Variants in NDNF observed in about 807,000 individuals in gnomAD.
NDNF encodes neuron derived neurotrophic factor.
In NDNF, 16 loss-of-function variants were observed where a neutral mutation model predicts 42.0. The ratio of observed to expected loss-of-function variants is 0.38; its 90% CI spans 0.26 to 0.58. The LOEUF is 0.58. Among genes scored for constraint, NDNF ranks in the 20% least tolerant of loss-of-function variants. The probability of loss-of-function intolerance (pLI) is 0.67; values close to 1 mark genes in which losing one functional copy is unlikely to be tolerated. For synonymous variants in NDNF, 248 were observed against 251.7 expected (o/e 0.99, Z 0.14); for missense variants, 616 against 666.2 (o/e 0.92, Z 0.83).
rs202186477 is a variant in NDNF, at chr4:121,037,110, A to G, written c.861T>C (p.Asp287=). 6.2e-7 allele frequency: 1 copy of G among 1,613,958 alleles called. No homozygotes were observed. The highest frequency in any genetic ancestry group is 8.5e-7 in the Non-Finnish European group (1 of 1,180,004). Residue 287 remains aspartate (D), a synonymous_variant, in exon 4 of 4, where the codon GAT becomes GAC. Transcript: ENST00000379692. ...TGTTTCCTATGCAGATTTTCTGAAT[A>G]TCAACCTTGGGCCTGGAGTAGACAT... ...GRHVYSRPKV[D]IQKICIGNKN...
At chr4:121,057,912 C>T (rs1287851917) in intron 1 of NDNF, among the ~76,000 whole-genome samples, 2 of 152,180 alleles carry the variant, frequency 1.3e-5, no homozygotes, top group Non-Finnish European at 2.9e-5. Context: ...TAAGTGCCTA[C>T]TGCAAGTCCC....
At chr4:121,055,237 A>C (rs1446520343) in intron 1 of NDNF, among the ~76,000 whole-genome samples, 1 of 152,186 alleles carries the variant, frequency 6.6e-6, no homozygotes. Flanking sequence ...GCAGAAAACA[A>C]CTTCATCTTT....
intron 3 of NDNF, among the ~76,000 whole-genome samples, chr4:121,039,285 C>A (rs751657865): frequency 5.6e-5 from 8 of 143,622 alleles, no homozygotes; most frequent in Non-Finnish European, 1.2e-4. Context: ...CATTGTCAAG[C>A]CTTCACCTTT....
At position 121,039,169 on chromosome 4, in the gene NDNF, A is replaced by G. The variant is rs1417161856; in HGVS notation, c.313+761T>C. The stretch of plus-strand genomic sequence containing the variant: ...TGTATATATATATGTATATATATAT[A>G]TAAAGACTATGTGTGTGTGTGTGTA... On this transcript the variant is annotated intron_variant, in intron 3 of 3. Coordinates refer to ENST00000379692, the MANE Select transcript of NDNF (RefSeq NM_024574.4). Among the ~76,000 whole-genome samples, 132 of 24,946 alleles carry G rather than the reference A, an allele frequency of 5.3e-3. 11 individuals carry two copies. Among genetic ancestry groups the G allele is most frequent in the East Asian group, 0.038 (7 of 186 alleles). 16.4% of individuals were successfully genotyped at this position (24,946 alleles called of 152,430 possible).
At position 121,036,615 on chromosome 4, in the gene NDNF, T is replaced by A; in HGVS notation, c.1356A>T (p.Arg452Ser). The change falls in exon 4 of 4, where the codon AGA (arginine) becomes AGT (serine). Residue 452 changes from arginine (R) to serine (S), a missense_variant. Physicochemically the swap from Arg to Ser is moderately radical, Grantham distance 110. Transcript: ENST00000379692. ...TACGGAGCTTGTCAAAGGCTTTGATTCTTGTGTCTTCAGGAAGAGAGGGAA... is the reference window on the plus strand; with the variant it reads ...TACGGAGCTTGTCAAAGGCTTTGATACTTGTGTCTTCAGGAAGAGAGGGAA... ...QSFPSLPEDT[R>S]IKAFDKLRTC... 3 of 1,614,156 alleles carry A rather than the reference T, an allele frequency of 1.9e-6. No individual in the cohort carries two copies. In the African/African-American group the frequency reaches 4.0e-5, roughly 22 times the overall value.
rs745563516 is a variant in NDNF at position 121,036,713 on chromosome 4, G to T, written c.1258C>A (p.Arg420=). 1.5e-5 allele frequency: 24 copies of T among 1,614,070 alleles called. No homozygotes were observed. The South Asian group carries it at 2.6e-4, about 18-fold the overall frequency. The change falls in exon 4 of 4, where the codon CGA becomes AGA. Residue 420 remains arginine, a synonymous_variant. Transcript: ENST00000379692. ...RGKPKAKYLV[R]LKGNKKGASM... ...GCTCCTTTCTTGTTTCCTTTCAGTC[G>T]AACGAGGTATTTAGCTTTAGGTTTT...
chr4:121,057,109 A>G (rs1727310000), intron 1 of NDNF, among the ~76,000 whole-genome samples: 2 of 152,242 alleles, frequency 1.3e-5, no homozygotes, highest in South Asian at 4.1e-4. Context: ...AAAAACAAGT[A>G]AAGAACAAAG....
At chr4:121,050,938 T>C (rs960117360) in intron 1 of NDNF, among the ~76,000 whole-genome samples, 3 of 152,134 alleles carry the variant, frequency 2.0e-5, no homozygotes, top group African/African-American at 7.2e-5. Flanking sequence ...TAGTCTATAC[T>C]TACAAAGGTA....
intron 1 of NDNF, among the ~76,000 whole-genome samples, chr4:121,054,905 C>T (rs1727258351): frequency 6.6e-6 from 1 of 152,222 alleles, no homozygotes; most frequent in Non-Finnish European, 1.5e-5. Context: ...TCATGGCTCA[C>T]TGCAACCTCT....
chr4:121,039,757 G>A (rs1451803259), intron 3 of NDNF, among the ~76,000 whole-genome samples, 173 bp downstream of exon 3: 1 of 151,990 alleles, frequency 6.6e-6, no homozygotes, highest in East Asian at 1.9e-4. Flanking sequence ...ATTTTATCAG[G>A]ATCAGTGTCA....
At chr4:121,057,725 G>A (rs981967034) in intron 1 of NDNF, among the ~76,000 whole-genome samples, 6 of 152,196 alleles carry the variant, frequency 3.9e-5, no homozygotes, top group African/African-American at 1.4e-4. Context: ...TGAAAAGTAG[G>A]AAGTGTTCCT....
chr4:121,058,546 T>C (rs1247742706), intron 1 of NDNF, among the ~76,000 whole-genome samples: 1 of 152,168 alleles, frequency 6.6e-6, no homozygotes, highest in Non-Finnish European at 1.5e-5. Context: ...CAGTAGGTCC[T>C]GACGAGGCGG....
intron 1 of NDNF, among the ~76,000 whole-genome samples, chr4:121,059,183 G>A (rs1560609088): frequency 1.3e-5 from 2 of 152,092 alleles, no homozygotes; most frequent in Admixed American, 6.6e-5. Flanking sequence ...ATCTTAAATT[G>A]TTTGTACATA....
At chr4:121,048,495 C>T (rs946455672) in intron 1 of NDNF, among the ~76,000 whole-genome samples, 1 of 152,216 alleles carries the variant, frequency 6.6e-6, no homozygotes, top group Admixed American at 6.5e-5. Flanking sequence ...ACTTTCCCTG[C>T]ATCCTCAACT....
At chr4:121,039,162 T>C (rs1378714359) in intron 3 of NDNF, among the ~76,000 whole-genome samples, 15 of 54,810 alleles carry the variant, frequency 2.7e-4, no homozygotes, top group Middle Eastern at 9.3e-3. Flanking sequence ...TATATGTATA[T>C]ATATATATAA....
intron 2 of NDNF, 144 bp downstream of exon 2, chr4:121,045,506 A>G (rs1052175314): frequency 2.0e-4 from 128 of 640,976 alleles, no homozygotes; most frequent in Non-Finnish European, 3.2e-4. Context: ...TTGCACTGCC[A>G]TGTTCCCCCT....
chr4:121,037,148 T>C lies in NDNF; in HGVS notation c.823A>G (p.Lys275Glu). 2 of 1,613,926 alleles carry C rather than the reference T, an allele frequency of 1.2e-6. No individual in the cohort carries two copies. The highest frequency in any genetic ancestry group is 4.5e-5 in the East Asian group (2 of 44,856). ...ERSFQAKPSPKLGRHVYSRPK... is the reference protein window; with the variant it reads ...ERSFQAKPSPELGRHVYSRPK... ...CTGGAGTAGACATGACGCCCCAGTT[T>C]TGGAGAAGGCTTTGCCTGGAAACTG... The change falls in exon 4 of 4, where the codon AAA becomes GAA. Residue 275 changes from lysine to glutamate, a missense_variant. Coordinates refer to ENST00000379692, the MANE Select transcript of NDNF (RefSeq NM_024574.4).
chr4:121,039,208 A>AGAGACTATGTATGTG (rs1321895629), intron 3 of NDNF, among the ~76,000 whole-genome samples: 1 of 93,796 alleles, frequency 1.1e-5, no homozygotes, highest in Non-Finnish European at 2.1e-5. Context: ...ATATATATAT[A>AGAGACTATGTATGTG]TATATATATA....
chr4:121,036,643 G>C lies in NDNF; in HGVS notation c.1328C>G (p.Ser443Ter). ...ILATTRPTKQ[S>*]FPSLPEDTRI... The stretch of plus-strand genomic sequence containing the variant: ...TGTGTCTTCAGGAAGAGAGGGAAAT[G>C]ACTGCTTAGTAGGCCTTGTGGTAGC... The change falls in exon 4 of 4, where the codon TCA becomes TGA. Residue 443 changes from serine (S) to a stop codon, truncating the protein, a stop_gained. Coordinates refer to ENST00000379692, the MANE Select transcript of NDNF (RefSeq NM_024574.4). LOFTEE classifies it high-confidence loss of function. 6.2e-7 allele frequency: 1 copy of C among 1,614,162 alleles called. No homozygotes were observed. The highest frequency in any genetic ancestry group is 8.5e-7 in the Non-Finnish European group (1 of 1,180,030).
Sources: gnomAD v4.1 joint callset for allele counts (sites outside exome capture counted in the v4.1 genomes callset) on GRCh38, gnomAD v4.1.1 for gene constraint, MANE v1.5 for transcripts, NCBI Gene and HGNC (gene_info 2026-07-23, HGNC 2026-07-21) for gene names.